The following ANKRD24 variants were observed in gnomAD, a reference collection of about 807,000 sequenced individuals.
The protein encoded by ANKRD24 is ankyrin repeat domain 24, also known as ankyrin repeat domain-containing protein 24.
In ANKRD24, 109 loss-of-function variants were observed where a neutral mutation model predicts 127.8. That is an observed-to-expected ratio of 0.85 (90% CI 0.73 to 1.00). ANKRD24 has a LOEUF of 1.00. Among genes scored for constraint, ANKRD24 ranks in the 50% least tolerant of loss-of-function variants. ANKRD24 has a pLI of 0.00. For missense variants in ANKRD24, 1,648 were observed against 1,570.2 expected (o/e 1.05, Z -0.84); for synonymous variants, 743 against 671.1 (o/e 1.11, Z -1.66).
Position 4,199,877 on chromosome 19 carries a change from T to C in ANKRD24, c.126T>C (p.Ser42=). Residue 42 remains serine (S), a splice_region_variant and synonymous_variant, in exon 4 of 22, where the codon AGT becomes AGC. Coordinates refer to ENST00000318934, the MANE Select transcript of ANKRD24 (RefSeq NM_001393985.1). The surrounding 1 kb of genome is among the most constrained non-coding windows in gnomAD (Gnocchi z 5.2). ...PKPAARGRRQ[S]QDWGKSDERL... is the part of the protein sequence containing the mutation. Reference sequence around the variant, plus strand: ...GCACTTCTGGGCGTGCCCTGCAGAGTCAAGACTGGGGCAAGAGTGACGAGA... The same window carrying C: ...GCACTTCTGGGCGTGCCCTGCAGAGCCAAGACTGGGGCAAGAGTGACGAGA... 1 of 1,570,014 alleles carries C rather than the reference T, an allele frequency of 6.4e-7. No homozygotes were observed.
chr19:4,224,556 C>A lies in ANKRD24; in HGVS notation c.*51C>A. 1.3e-6 allele frequency: 2 copies of A among 1,514,264 alleles called. No homozygotes were observed. Among genetic ancestry groups the A allele is most frequent in the Admixed American group, 1.9e-5 (1 of 52,996 alleles). 93.8% of individuals were successfully genotyped at this position (1,514,264 alleles called of 1,614,324 possible). A position where few individuals can be genotyped will look rare whatever the true frequency, so the allele number is the denominator to read the frequency against. On this transcript the variant is annotated 3_prime_UTR_variant, in exon 22 of 22. Coordinates refer to ENST00000318934, the MANE Select transcript of ANKRD24 (RefSeq NM_001393985.1). ...TGACCACACCCACGCAGGGACCTCA[C>A]CCCCCTGCAGGCCCCTTGCAGACCG...
chr19:4,193,849 A>AGGGAGGG (rs1968534663), intron 2 of ANKRD24, among the ~76,000 whole-genome samples: 1 of 13,700 alleles, frequency 7.3e-5, no homozygotes, highest in Non-Finnish European at 1.6e-4. Flanking sequence ...GGGAGGGAGG[A>AGGGAGGG]AGGAAGGAAG....
In ANKRD24 at chr19:4,198,224, G is replaced by T. The variant is rs1968869256; in HGVS notation, c.37-1459G>T. On this transcript the variant is annotated intron_variant, in intron 2 of 21. Coordinates refer to ENST00000318934, the MANE Select transcript of ANKRD24 (RefSeq NM_001393985.1). The surrounding 1 kb of genome is among the most constrained non-coding windows in gnomAD (Gnocchi z 6.1). ...TCCTCCAGGCGACAAGGTCAGGAGG[G>T]GCCGGGGCGGCGCCCCTTCCCTCAG... The T allele has an allele frequency of 5.8e-6, 3 of 519,938 alleles. No homozygotes were observed. The highest frequency in any genetic ancestry group is 4.0e-5 in the African/African-American group (2 of 49,590). 32.2% of individuals were successfully genotyped at this position (519,938 alleles called of 1,614,324 possible).
At chr19:4,188,133 C>T (rs187244299) in intron 2 of ANKRD24, among the ~76,000 whole-genome samples, 207 of 150,718 alleles carry the variant, frequency 1.4e-3, no homozygotes, top group Middle Eastern at 0.011. Context: ...GCTGGAGTGC[C>T]GTGGCTTGAT....
In ANKRD24 at chr19:4,217,194, G is replaced by A. The variant is rs1179898812; in HGVS notation, c.2034G>A (p.Arg678=). The change falls in exon 18 of 22, where the codon AGG becomes AGA. Residue 678 remains arginine (R), a synonymous_variant. Transcript: ENST00000318934. ...CAAACATGGAGGCCACGGGCTCTAG[G>A]GCCACAGGGATGGAATCCACAGGAG... ...GTTNMEATGS[R]ATGMESTGVS... is the part of the protein sequence containing the mutation. 3.1e-6 allele frequency: 5 copies of A among 1,609,868 alleles called. No homozygotes were observed. The highest frequency in any genetic ancestry group is 2.2e-5 in the East Asian group (1 of 44,806).
rs1970147545 is a variant in ANKRD24, at chr19:4,217,197, C to A, written c.2037C>A (p.Ala679=). Residue 679 remains alanine (A), a synonymous_variant, in exon 18 of 22, where the codon GCC becomes GCA. Coordinates refer to ENST00000318934, the MANE Select transcript of ANKRD24 (RefSeq NM_001393985.1). ...ACATGGAGGCCACGGGCTCTAGGGC[C>A]ACAGGGATGGAATCCACAGGAGTCA... ...TTNMEATGSR[A]TGMESTGVSA... is the part of the protein sequence containing the mutation. 6.2e-7 allele frequency: 1 copy of A among 1,609,432 alleles called. No individual in the cohort carries two copies. The highest frequency in any genetic ancestry group is 8.5e-7 in the Non-Finnish European group (1 of 1,177,368).
In ANKRD24 at chr19:4,198,769, G is replaced by A. The variant is rs1340548178; in HGVS notation, c.37-914G>A. On this transcript the variant is annotated intron_variant, in intron 2 of 21. Transcript: ENST00000318934. The surrounding 1 kb of genome is among the most constrained non-coding windows in gnomAD (Gnocchi z 6.1). ...TCTTTGAAACAAATGGGGACATTTA[G>A]GAACATTTAGAGGGCATTGGGGGGT... is the stretch of plus-strand genomic sequence containing the variant. Among the ~76,000 whole-genome samples, 2 of 152,194 alleles carry A rather than the reference G, an allele frequency of 1.3e-5. No individual in the cohort carries two copies. The highest frequency in any genetic ancestry group is 2.4e-5 in the African/African-American group (1 of 41,458).
intron 19 of ANKRD24, among the ~76,000 whole-genome samples, chr19:4,220,790 C>T (rs996703498): frequency 4.0e-5 from 6 of 151,892 alleles, no homozygotes; most frequent in Non-Finnish European, 2.9e-5. Context: ...CTCCTGACCT[C>T]GTGATCCGCC....
In ANKRD24 at chr19:4,199,037, A is replaced by G. The variant is rs118101724; in HGVS notation, c.37-646A>G. ...TAATGCATTTCAGGCTATAGTGTTG[A>G]GGGGAGAAGCCTCGGGATGTTTAGG... is the stretch of plus-strand genomic sequence containing the variant. On this transcript the variant is annotated intron_variant, in intron 2 of 21. Transcript: ENST00000318934. This position sits in a 1 kb window ranked among gnomAD's most constrained non-coding sequence, Gnocchi z 5.2. Among the ~76,000 whole-genome samples, 293 of 152,148 alleles carry G rather than the reference A, an allele frequency of 1.9e-3. No individual in the cohort carries two copies. The highest frequency in any genetic ancestry group is 3.3e-3 in the Non-Finnish European group (221 of 67,988).
intron 2 of ANKRD24, among the ~76,000 whole-genome samples, chr19:4,197,654 CGAATGAAT>C (rs58639859): frequency 1.3e-5 from 2 of 151,136 alleles, no homozygotes; most frequent in African/African-American, 2.4e-5. Context: ...AGTAAATGAA[CGAATGAAT>C]GAATGAATGA....
rs376126489 is a variant in ANKRD24 at position 4,195,293 on chromosome 19, C to T, written c.37-4390C>T. Among the ~76,000 whole-genome samples, 7 of 151,754 alleles carry T rather than the reference C, an allele frequency of 4.6e-5. No individual in the cohort carries two copies. Among genetic ancestry groups the T allele is most frequent in the South Asian group, 4.2e-4 (2 of 4,800 alleles). On this transcript the variant is annotated intron_variant, in intron 2 of 21. Transcript: ENST00000318934. The surrounding 1 kb of genome is among the most constrained non-coding windows in gnomAD (Gnocchi z 4.2). ...TTTGCCACGTTGGTCAGGCTGGTCT[C>T]GAACTCCCCATCTCAGGTGATCTGC...
At position 4,218,159 on chromosome 19, in the gene ANKRD24, TC is replaced by T; in HGVS notation, c.3001del (p.Gln1001ArgfsTer9). The part of the protein sequence containing the change: ...RRHEKTSAEV[F>X]QVQREALFMK... The stretch of plus-strand genomic sequence containing the variant: ...CATGAGAAGACCAGCGCAGAGGTCT[TC>T]CAGGTGAGCAGGGCTGGTCACCACC... On this transcript the variant is annotated frameshift_variant, in exon 18 of 22. Transcript: ENST00000318934. LOFTEE classifies it high-confidence loss of function. 1.3e-6 allele frequency: 2 copies of T among 1,497,910 alleles called. No individual in the cohort carries two copies. The highest frequency in any genetic ancestry group is 8.9e-7 in the Non-Finnish European group (1 of 1,122,598). The allele number at this position is 1,497,910 out of a possible 1,614,324, so 92.8% of individuals were successfully genotyped here. A position where few individuals can be genotyped will look rare whatever the true frequency, so the allele number is the denominator to read the frequency against.
rs771905610 is a variant in ANKRD24, at chr19:4,217,382, G to A, written c.2222G>A (p.Arg741Gln). The A allele has an allele frequency of 1.4e-5, 22 of 1,550,532 alleles. No homozygotes were observed. Among genetic ancestry groups the A allele is most frequent in the Non-Finnish European group, 1.7e-5 (19 of 1,146,948 alleles). The change falls in exon 18 of 22, where the codon CGG becomes CAG. Residue 741 changes from arginine (R) to glutamine (Q), a missense_variant. Transcript: ENST00000318934. ...GAGGAGGCTCTCCGGCAGCGGGAGC[G>A]GGAGGCAGCTGCGGAGCTGGAGGCG... is the stretch of plus-strand genomic sequence containing the variant. ...GLEEALRQRE[R>Q]EAAAELEAAL...
At position 4,193,429 on chromosome 19, in the gene ANKRD24, G is replaced by A. The variant is rs148868293; in HGVS notation, c.37-6254G>A. ...AGAAAGCAGCCATGTGCACGGTGGGGCAGGTGCTCCAGGCAGAAGGAGCTG... is the reference window on the plus strand; with the variant it reads ...AGAAAGCAGCCATGTGCACGGTGGGACAGGTGCTCCAGGCAGAAGGAGCTG... On this transcript the variant is annotated intron_variant, in intron 2 of 21. Coordinates refer to ENST00000318934, the MANE Select transcript of ANKRD24 (RefSeq NM_001393985.1). Among the ~76,000 whole-genome samples, 503 of 152,244 alleles carry A rather than the reference G, an allele frequency of 3.3e-3. 3 individuals are homozygous for A. Among genetic ancestry groups the A allele is most frequent in the African/African-American group, 0.012 (478 of 41,550 alleles).
chr19:4,200,055 C>T (rs200378118), intron 4 of ANKRD24, 28 bp from the exon 5 acceptor site: 131 of 1,569,730 alleles, frequency 8.3e-5, no homozygotes, highest in East Asian at 2.6e-4. Context: ...GGCAACCTTG[C>T]GGCTGAACCC....
rs530106589 is a variant in ANKRD24 at position 4,224,244 on chromosome 19, C to T, written c.3363+52C>T. 5.2e-6 allele frequency: 8 copies of T among 1,532,650 alleles called. No individual in the cohort carries two copies. The African/African-American group carries it at 1.1e-4, about 21-fold the overall frequency. The allele number at this position is 1,532,650 out of a possible 1,614,324, so 94.9% of individuals were successfully genotyped here. On this transcript the variant is annotated intron_variant, in intron 21 of 21. Transcript: ENST00000318934. The stretch of plus-strand genomic sequence containing the variant: ...GGTGGCTTTGGGCATACCACTGTTG[C>T]TCTCTGAGCCTCAGTTTCCCCTTCT...
In ANKRD24 at chr19:4,195,845, G is replaced by A. The variant is rs559703041; in HGVS notation, c.37-3838G>A. Among the ~76,000 whole-genome samples, 2 of 152,310 alleles carry A rather than the reference G, an allele frequency of 1.3e-5. No homozygotes were observed. The highest frequency in any genetic ancestry group is 6.5e-5 in the Admixed American group (1 of 15,292). ...GGAGGCAGAGCTTGCAGTGAGCCGA[G>A]ATCGCACCACTGCACTCCAGCCTGG... is the stretch of plus-strand genomic sequence containing the variant. On this transcript the variant is annotated intron_variant, in intron 2 of 21. Coordinates refer to ENST00000318934, the MANE Select transcript of ANKRD24 (RefSeq NM_001393985.1). This position sits in a 1 kb window ranked among gnomAD's most constrained non-coding sequence, Gnocchi z 4.2.
At chr19:4,219,829 G>A (rs1157535875) in intron 19 of ANKRD24, 71 bp downstream of exon 19, 1 of 1,474,306 alleles carries the variant, frequency 6.8e-7, no homozygotes, top group Non-Finnish European at 9.1e-7. Flanking sequence ...AATCTACGAA[G>A]GTCCTCACTG....
At chr19:4,220,838 A>T (rs1467976667) in intron 19 of ANKRD24, among the ~76,000 whole-genome samples, 1 of 151,590 alleles carries the variant, frequency 6.6e-6, no homozygotes, top group Non-Finnish European at 1.5e-5. Flanking sequence ...TACAGGCGTG[A>T]GTCACCGCGA....
Sources: gnomAD v4.1 joint callset for allele counts (sites outside exome capture counted in the v4.1 genomes callset) on GRCh38, gnomAD v4.1.1 for gene constraint, Gnocchi (gnomAD v3.1) non-coding constraint, MANE v1.5 for transcripts, NCBI Gene and HGNC (gene_info 2026-07-23, HGNC 2026-07-21) for gene names.